Variants in FSHR observed in about 807,000 individuals in gnomAD.
FSHR encodes the protein follicle-stimulating hormone receptor.
In FSHR, 46 loss-of-function variants were observed where a neutral mutation model predicts 52.1. That is an observed-to-expected ratio of 0.88 (90% CI 0.70 to 1.13). FSHR has a LOEUF of 1.13. FSHR is among the 50% of genes most tolerant of loss of function. The pLI, the probability that FSHR is intolerant of heterozygous loss-of-function variation, is 0.00. For missense variants in FSHR, 964 were observed against 834.6 expected (o/e 1.16, Z -1.91); for synonymous variants, 399 against 309.6 (o/e 1.29, Z -3.03).
At chr2:48,985,236 A>G (rs1354297160) in intron 6 of FSHR, among the ~76,000 whole-genome samples, 1 of 152,206 alleles carries the variant, frequency 6.6e-6, no homozygotes, top group Non-Finnish European at 1.5e-5. Flanking sequence ...GTGCTCACTC[A>G]GCAGAGGCTC....
chr2:48,965,562 T>C (rs1385395562), intron 9 of FSHR, among the ~76,000 whole-genome samples: 1 of 152,152 alleles, frequency 6.6e-6, no homozygotes, highest in African/African-American at 2.4e-5. Flanking sequence ...TTAAACCCTG[T>C]TACTGAATTA....
intron 1 of FSHR, among the ~76,000 whole-genome samples, chr2:49,104,619 G>A (rs1053096353): frequency 4.6e-5 from 7 of 152,156 alleles, no homozygotes; most frequent in Non-Finnish European, 8.8e-5. Flanking sequence ...GAAAGATATC[G>A]TGTTCCAAAG....
chr2:49,116,171 G>A (rs1046868922), intron 1 of FSHR, among the ~76,000 whole-genome samples: 12 of 152,210 alleles, frequency 7.9e-5, no homozygotes. Flanking sequence ...GTGAGCAGGA[G>A]TCAAATCAGG....
At chr2:49,100,611 A>C (rs544491017) in intron 1 of FSHR, among the ~76,000 whole-genome samples, 1 of 152,298 alleles carries the variant, frequency 6.6e-6, no homozygotes, top group African/African-American at 2.4e-5. Context: ...TGTGGTCGTG[A>C]AGATGGAAGA....
At chr2:49,020,017 G>T (rs1362260715) in intron 3 of FSHR, 69 bp downstream of exon 3, 3 of 1,314,124 alleles carry the variant, frequency 2.3e-6, no homozygotes, top group African/African-American at 1.4e-5. Context: ...GGCCTCCCAG[G>T]AATGTAGAAG....
At chr2:49,126,135 G>C (rs1671988521) in intron 1 of FSHR, among the ~76,000 whole-genome samples, 1 of 152,178 alleles carries the variant, frequency 6.6e-6, no homozygotes, top group African/African-American at 2.4e-5. Context: ...AATCTCTTTT[G>C]TGGTGTTATA....
intron 8 of FSHR, among the ~76,000 whole-genome samples, chr2:48,977,432 T>G (rs746023881): frequency 5.1e-4 from 78 of 152,078 alleles, no homozygotes; most frequent in Non-Finnish European, 1.9e-4. Context: ...ATATGGTGGG[T>G]GTTCAATAAA....
chr2:49,009,086 A>T (rs1253977377), intron 4 of FSHR, among the ~76,000 whole-genome samples: 8 of 151,304 alleles, frequency 5.3e-5, no homozygotes, highest in Admixed American at 4.0e-4. Flanking sequence ...GGTGTTTTAG[A>T]CATGAAGTCC....
chr2:49,084,529 C>A (rs566435773), intron 1 of FSHR, among the ~76,000 whole-genome samples: 4 of 152,080 alleles, frequency 2.6e-5, no homozygotes, highest in Non-Finnish European at 4.4e-5. Flanking sequence ...GACAAAAAAA[C>A]CTTTCAAAAA....
At chr2:49,141,405 T>C (rs1048898806) in intron 1 of FSHR, among the ~76,000 whole-genome samples, 6 of 152,056 alleles carry the variant, frequency 3.9e-5, no homozygotes, top group Admixed American at 3.9e-4. Flanking sequence ...TTACTCATAA[T>C]GAAAGTTGAA....
intron 2 of FSHR, among the ~76,000 whole-genome samples, chr2:49,056,683 A>T (rs1290416191): frequency 2.6e-5 from 4 of 151,954 alleles, no homozygotes; most frequent in Admixed American, 2.6e-4. Flanking sequence ...AGAACATTTC[A>T]TCCACCAGCT....
chr2:49,069,123 C>G (rs897420300), intron 1 of FSHR, among the ~76,000 whole-genome samples: 1 of 152,084 alleles, frequency 6.6e-6, no homozygotes, highest in Admixed American at 6.6e-5. Flanking sequence ...GGGGAAAAAT[C>G]AAAGTTGTTT....
At chr2:48,990,101 C>T (rs960353530) in intron 5 of FSHR, among the ~76,000 whole-genome samples, 6 of 152,116 alleles carry the variant, frequency 3.9e-5, no homozygotes, top group African/African-American at 1.4e-4. Context: ...TACCTTTTCT[C>T]TTCCTTTTTC....
chr2:49,125,898 C>T (rs529240987), intron 1 of FSHR, among the ~76,000 whole-genome samples: 1 of 152,322 alleles, frequency 6.6e-6, no homozygotes, highest in South Asian at 2.1e-4. Flanking sequence ...CTGATGAGTT[C>T]AGTGAACCTC....
At chr2:49,076,649 A>G (rs745343226) in intron 1 of FSHR, among the ~76,000 whole-genome samples, 19 of 152,246 alleles carry the variant, frequency 1.2e-4, no homozygotes, top group Middle Eastern at 6.8e-3. Context: ...AAAAATCCAC[A>G]ATCCAGAGTC....
chr2:48,992,634 A>G (rs1675837301), intron 4 of FSHR, among the ~76,000 whole-genome samples: 1 of 151,642 alleles, frequency 6.6e-6, no homozygotes, highest in Non-Finnish European at 1.5e-5. Context: ...AGAGCTGTTA[A>G]TTTGGTGTCT....
At chr2:48,964,067 G>C (rs1013300262) in intron 9 of FSHR, 101 bp from the exon 10 acceptor site, 2 of 1,272,616 alleles carry the variant, frequency 1.6e-6, no homozygotes, top group South Asian at 2.6e-5. Flanking sequence ...TTCTTCCTGA[G>C]ATTTTTTTTT....
intron 1 of FSHR, among the ~76,000 whole-genome samples, chr2:49,080,817 C>A (rs866632616): frequency 1.3e-5 from 2 of 152,026 alleles, no homozygotes; most frequent in African/African-American, 4.8e-5. Context: ...ATATGCAAAC[C>A]AACTAATCCA....
At chr2:49,013,694 C>T (rs1667376416) in intron 4 of FSHR, among the ~76,000 whole-genome samples, 1 of 151,326 alleles carries the variant, frequency 6.6e-6, no homozygotes, top group Admixed American at 6.6e-5. Context: ...GTCTCAACTC[C>T]CTAATGGGAA....
Sources: allele counts gnomAD v4.1 joint callset (sites outside exome capture counted in the v4.1 genomes callset), GRCh38; gene constraint gnomAD v4.1.1; transcripts MANE v1.5; gene names NCBI Gene and HGNC (gene_info 2026-07-23, HGNC 2026-07-21).